PTPRK: variants seen among roughly 807,000 people sequenced by gnomAD.
PTPRK encodes the protein receptor-type tyrosine-protein phosphatase kappa.
Under a neutral mutation model 178.0 loss-of-function variants are expected in PTPRK, and 75 were observed. The observed-to-expected ratio is 0.42, with a 90% confidence interval of 0.35 to 0.51. The LOEUF (loss-of-function observed/expected upper bound fraction) is 0.51. Ranked by LOEUF, PTPRK falls within the 20% of genes least tolerant of loss-of-function variation. The pLI is 0.02. For synonymous variants in PTPRK, 637 were observed against 620.6 expected, an observed-to-expected ratio of 1.03 and a Z score of -0.39; for missense variants, 1,441 against 1,797.8, an observed-to-expected ratio of 0.80 and a Z score of 3.59.
chr6:128,000,164 T>C (rs1034941858), intron 15 of PTPRK: 3 of 965,722 alleles, frequency 3.1e-6, no homozygotes, highest in Non-Finnish European at 3.7e-6. Flanking sequence ...AAATACACTC[T>C]TAGGGGAACT....
chr6:128,388,506 G>A (rs1416518), intron 2 of PTPRK, among the ~76,000 whole-genome samples: 147,740 of 152,304 alleles, frequency 0.97, 71,793 homozygotes, highest in East Asian at 1. Flanking sequence ...CACTGGAAAA[G>A]GCATAAGAGA....
At chr6:128,244,417 A>G (rs1815078972) in intron 3 of PTPRK, among the ~76,000 whole-genome samples, 1 of 150,148 alleles carries the variant, frequency 6.7e-6, no homozygotes, top group East Asian at 1.9e-4. Context: ...ACTGGAAATG[A>G]AAGTCAAGAC....
At chr6:128,496,150 C>T (rs1854620999) in intron 1 of PTPRK, among the ~76,000 whole-genome samples, 1 of 150,174 alleles carries the variant, frequency 6.7e-6, no homozygotes, top group Non-Finnish European at 1.5e-5. Context: ...GTCCCTAAAG[C>T]ATGCCACAGT....
intron 6 of PTPRK, among the ~76,000 whole-genome samples, chr6:128,213,951 C>T (rs1808736923): frequency 6.6e-6 from 1 of 152,120 alleles, no homozygotes; most frequent in Admixed American, 6.6e-5. Context: ...TGCCAGCAAA[C>T]TTGACTCCAT....
At chr6:128,316,544 C>T (rs1258607323) in intron 3 of PTPRK, among the ~76,000 whole-genome samples, 1 of 152,076 alleles carries the variant, frequency 6.6e-6, no homozygotes, top group African/African-American at 2.4e-5. Flanking sequence ...CTGTTAACTA[C>T]CAGGGCTCTT....
chr6:128,010,320 C>T (rs956763686), intron 13 of PTPRK, among the ~76,000 whole-genome samples: 5 of 151,194 alleles, frequency 3.3e-5, no homozygotes, highest in South Asian at 4.1e-4. Flanking sequence ...CAACACAGCA[C>T]CTTGCACTTG....
chr6:128,366,747 G>A (rs1322992409), intron 2 of PTPRK, among the ~76,000 whole-genome samples: 3 of 152,138 alleles, frequency 2.0e-5, no homozygotes, highest in African/African-American at 7.2e-5. Flanking sequence ...AGTGTGCATT[G>A]AACATATATA....
At chr6:128,477,743 T>C (rs118123599) in intron 1 of PTPRK, among the ~76,000 whole-genome samples, 2,502 of 152,228 alleles carry the variant, frequency 0.016, 29 homozygotes, top group Non-Finnish European at 0.027. Flanking sequence ...TAAAAAAATG[T>C]AGAGAGAAAA....
At chr6:128,292,187 C>A (rs1823491711) in intron 3 of PTPRK, among the ~76,000 whole-genome samples, 1 of 151,938 alleles carries the variant, frequency 6.6e-6, no homozygotes, top group Non-Finnish European at 1.5e-5. Flanking sequence ...TTATTTTGCT[C>A]ATAGAAAAAT....
intron 11 of PTPRK, among the ~76,000 whole-genome samples, chr6:128,073,158 T>C (rs1783137882): frequency 2.0e-5 from 3 of 152,108 alleles, no homozygotes; most frequent in Admixed American, 2.0e-4. Context: ...GTGGCTGTTA[T>C]ATTTTTAGAT....
intron 7 of PTPRK, among the ~76,000 whole-genome samples, chr6:128,124,333 C>G (rs1238582102): frequency 6.6e-6 from 1 of 152,160 alleles, no homozygotes; most frequent in Non-Finnish European, 1.5e-5. Flanking sequence ...CAGGCGTGAG[C>G]CACCATGAGA....
chr6:128,372,212 C>G (rs903232714), intron 2 of PTPRK, among the ~76,000 whole-genome samples: 5 of 152,184 alleles, frequency 3.3e-5, no homozygotes, highest in African/African-American at 1.2e-4. Context: ...TAGAGTTTTT[C>G]AGAAATAGGT....
chr6:128,490,096 A>G (rs1371038524), intron 1 of PTPRK, among the ~76,000 whole-genome samples: 2 of 152,190 alleles, frequency 1.3e-5, no homozygotes, highest in African/African-American at 4.8e-5. Flanking sequence ...GGTCACTTTA[A>G]TTCAAACAAC....
intron 2 of PTPRK, among the ~76,000 whole-genome samples, chr6:128,364,284 T>A (rs1409862162): frequency 6.6e-6 from 1 of 152,074 alleles, no homozygotes; most frequent in East Asian, 1.9e-4. Context: ...ATTCTCAACT[T>A]TAAGTTTCAA....
chr6:128,332,326 T>C (rs1830381942), intron 2 of PTPRK, among the ~76,000 whole-genome samples: 1 of 152,218 alleles, frequency 6.6e-6, no homozygotes, highest in African/African-American at 2.4e-5. Context: ...TGATTTCCTT[T>C]CCAGTACCTT....
chr6:128,201,470 CAT>C (rs1389547622), intron 6 of PTPRK, among the ~76,000 whole-genome samples: 1 of 152,164 alleles, frequency 6.6e-6, no homozygotes, highest in Non-Finnish European at 1.5e-5. Flanking sequence ...AAAAAAAGGA[CAT>C]GTGTGGTAGT....
chr6:128,348,553 T>TAAA (rs1832717450), intron 2 of PTPRK, among the ~76,000 whole-genome samples: 3 of 122,576 alleles, frequency 2.4e-5, no homozygotes. Flanking sequence ...TTTACAAAAT[T>TAAA]TTCTGTAAGA....
chr6:128,335,539 T>C (rs1830798823), intron 2 of PTPRK, among the ~76,000 whole-genome samples: 1 of 151,480 alleles, frequency 6.6e-6, no homozygotes, highest in South Asian at 2.1e-4. Context: ...GCTTACACTT[T>C]AAAATGTTAA....
chr6:128,501,391 T>TCA (rs67621491), intron 1 of PTPRK, among the ~76,000 whole-genome samples: 30,208 of 145,506 alleles, frequency 0.21, 3,167 homozygotes, highest in Non-Finnish European at 0.25. Flanking sequence ...TAAACTCAAA[T>TCA]CACACACACA....
Sources: gnomAD v4.1 joint callset for allele counts (sites outside exome capture counted in the v4.1 genomes callset) on GRCh38, gnomAD v4.1.1 for gene constraint, MANE v1.5 for transcripts, NCBI Gene and HGNC (gene_info 2026-07-23, HGNC 2026-07-21) for gene names.